The following POLR3F variants were observed in gnomAD, a reference collection of about 807,000 sequenced individuals.
The protein encoded by POLR3F is DNA-directed RNA polymerase III subunit RPC6.
Under a neutral mutation model 43.6 loss-of-function variants are expected in POLR3F, and 31 were observed. That is an observed-to-expected ratio of 0.71 (90% CI 0.53 to 0.96). The LOEUF (loss-of-function observed/expected upper bound fraction) is 0.96, where lower values mean the gene tolerates loss of function less well. POLR3F is among the 40% of genes least tolerant of loss of function. The pLI is 0.00. For missense variants in POLR3F, 316 were observed against 391.7 expected (o/e 0.81, Z 1.63); for synonymous variants, 114 against 132.5 (o/e 0.86, Z 0.96).
chr20:18,478,860 C>A (rs1054517308), intron 5 of POLR3F, among the ~76,000 whole-genome samples: 1 of 151,884 alleles, frequency 6.6e-6, no homozygotes, highest in East Asian at 1.9e-4. Flanking sequence ...ATGCTCCTGA[C>A]GGCTGGGCAG....
At chr20:18,479,621 T>C (rs939168445) in intron 5 of POLR3F, among the ~76,000 whole-genome samples, 1 of 152,124 alleles carries the variant, frequency 6.6e-6, no homozygotes, top group African/African-American at 2.4e-5. Context: ...GGAATAACAA[T>C]GAAGTATCTG....
intron 3 of POLR3F, 183 bp downstream of exon 3, chr20:18,473,092 A>G (rs1212316587): frequency 2.6e-6 from 1 of 377,656 alleles, no homozygotes; most frequent in Admixed American, 4.3e-5. Flanking sequence ...TCTTCTAGCT[A>G]TATATAAATA....
intron 5 of POLR3F, among the ~76,000 whole-genome samples, chr20:18,479,197 T>C (rs1282910719): frequency 1.3e-5 from 2 of 150,096 alleles, no homozygotes; most frequent in African/African-American, 4.9e-5. Context: ...TGCTAGAAAG[T>C]AAGAAAGTGC....
chr20:18,477,923 G>A (rs541271263), intron 5 of POLR3F, among the ~76,000 whole-genome samples: 47 of 152,292 alleles, frequency 3.1e-4, no homozygotes, highest in African/African-American at 1.1e-3. Context: ...AGGCATGATT[G>A]ATTGAATCCT....
chr20:18,478,292 T>A (rs2059790819), intron 5 of POLR3F, among the ~76,000 whole-genome samples: 1 of 151,862 alleles, frequency 6.6e-6, no homozygotes, highest in African/African-American at 2.4e-5. Context: ...CACAGCTCAC[T>A]GCAGCATCAA....
chr20:18,470,802 A>T (rs1215037444), intron 2 of POLR3F: 1 of 152,592 alleles, frequency 6.6e-6, no homozygotes, highest in Non-Finnish European at 1.5e-5. Context: ...CTATCAAAGG[A>T]TATTAAGAAA....
rs766427901 is a variant in POLR3F at position 18,480,375 on chromosome 20, A to G, written c.574-27A>G. On this transcript the variant is annotated intron_variant, in intron 6 of 8. Transcript: ENST00000377603. ...AGAAAACACACCAATATTCTTATTT[A>G]CATTTCTTATGTTTCAATCCTTATA... The G allele has an allele frequency of 1.5e-5, 22 of 1,473,844 alleles. No individual in the cohort carries two copies. In the Admixed American group the frequency reaches 3.7e-4, roughly 25 times the overall value. 91.3% of individuals were successfully genotyped at this position (1,473,844 alleles called of 1,614,324 possible). A position where few individuals can be genotyped will look rare whatever the true frequency, so the allele number is the denominator to read the frequency against.
Position 18,481,709 on chromosome 20 carries a change from G to C in POLR3F, c.772G>C (p.Gly258Arg). Residue 258 changes from glycine (G) to arginine (R), a missense_variant, in exon 8 of 9, where the codon GGC (glycine) becomes CGC (arginine). Transcript: ENST00000377603. The part of the protein sequence containing the change: ...VEMTIIAAKE[G>R]TVGSVDGHMK... ...GATGACGATTATTGCTGCAAAAGAAGGCACAGTTGGCAGTGTAGATGGACA... is the reference window on the plus strand; with the variant it reads ...GATGACGATTATTGCTGCAAAAGAACGCACAGTTGGCAGTGTAGATGGACA... 1 of 1,612,220 alleles carries C rather than the reference G, an allele frequency of 6.2e-7. No homozygotes were observed. Among genetic ancestry groups the C allele is most frequent in the Non-Finnish European group, 8.5e-7 (1 of 1,178,258 alleles).
intron 5 of POLR3F, 115 bp downstream of exon 5, chr20:18,475,302 T>C (rs2148864036): frequency 1.8e-6 from 1 of 540,812 alleles, no homozygotes; most frequent in East Asian, 3.3e-5. Flanking sequence ...ATTTAGCTCA[T>C]GTTGGATTGG....
intron 8 of POLR3F, among the ~76,000 whole-genome samples, chr20:18,482,806 C>G (rs2059817458): frequency 6.6e-6 from 1 of 152,100 alleles, no homozygotes; most frequent in Non-Finnish European, 1.5e-5. Context: ...GGTTTCAGTC[C>G]CTAGACAAAA....
intron 3 of POLR3F, 127 bp from the exon 4 acceptor site, chr20:18,473,264 T>TA (rs2059762836): frequency 1.9e-6 from 1 of 521,882 alleles, no homozygotes; most frequent in Admixed American, 3.2e-5. Context: ...CTATTTAAGG[T>TA]AAGCCTTTCT....
At chr20:18,479,947 T>G in intron 5 of POLR3F, 91 bp from the exon 6 acceptor site, 2 of 870,780 alleles carry the variant, frequency 2.3e-6, no homozygotes, top group Non-Finnish European at 1.8e-6. Flanking sequence ...GCAATAATTT[T>G]GTACATCTTA....
chr20:18,477,913 A>G (rs906672663), intron 5 of POLR3F, among the ~76,000 whole-genome samples: 2 of 146,072 alleles, frequency 1.4e-5, no homozygotes, highest in East Asian at 2.1e-4. Flanking sequence ...TTCATTATAC[A>G]GGCATGATTG....
At position 18,473,574 on chromosome 20, in the gene POLR3F, A is replaced by G. The variant is rs1410434471; in HGVS notation, c.316+116A>G. 4.1e-5 allele frequency: 21 copies of G among 509,124 alleles called. No homozygotes were observed. In the East Asian group the frequency reaches 6.3e-4, roughly 15 times the overall value. The allele number at this position is 509,124 out of a possible 1,614,324, so 31.5% of individuals were successfully genotyped here. A position where few individuals can be genotyped will look rare whatever the true frequency, so the allele number is the denominator to read the frequency against. On this transcript the variant is annotated intron_variant, in intron 4 of 8. Coordinates refer to ENST00000377603, the MANE Select transcript of POLR3F (RefSeq NM_006466.4). Reference sequence around the variant, plus strand: ...TGGACAGAGTATACTGAGGAAGGTAATAGAACATACAAATATAACATGCAT... The same window carrying G: ...TGGACAGAGTATACTGAGGAAGGTAGTAGAACATACAAATATAACATGCAT...
At position 18,474,508 on chromosome 20, in the gene POLR3F, G is replaced by A. The variant is rs141372864; in HGVS notation, c.317-567G>A. Among the ~76,000 whole-genome samples the A allele has an allele frequency of 8.9e-3, 1,272 of 143,078 alleles. 17 individuals are homozygous for A. Among genetic ancestry groups the A allele is most frequent in the African/African-American group, 0.029 (1,184 of 40,512 alleles). 93.9% of individuals were successfully genotyped at this position (143,078 alleles called of 152,430 possible). On this transcript the variant is annotated intron_variant, in intron 4 of 8. Transcript: ENST00000377603. ...TTTTTCCTTCCATTATAAAAACGTCGTTTTCATAATTTTTTTTTTCTTTTT... is the reference window on the plus strand; with the variant it reads ...TTTTTCCTTCCATTATAAAAACGTCATTTTCATAATTTTTTTTTTCTTTTT...
At chr20:18,472,150 A>C (rs1205409344) in intron 2 of POLR3F, among the ~76,000 whole-genome samples, 1 of 152,240 alleles carries the variant, frequency 6.6e-6, no homozygotes, top group Non-Finnish European at 1.5e-5. Context: ...CTATATAAAA[A>C]CAATACTACT....
chr20:18,471,910 A>T (rs1203689408), intron 2 of POLR3F, among the ~76,000 whole-genome samples: 1 of 152,208 alleles, frequency 6.6e-6, no homozygotes, highest in African/African-American at 2.4e-5. Flanking sequence ...TGAACCCGGG[A>T]GGCAGAGGTT....
At chr20:18,479,066 A>C (rs562186154) in intron 5 of POLR3F, among the ~76,000 whole-genome samples, 1 of 151,696 alleles carries the variant, frequency 6.6e-6, no homozygotes, top group African/African-American at 2.4e-5. Context: ...AATCGCTTGA[A>C]CCTGGGAGGT....
rs529056391 is a variant in POLR3F, at chr20:18,483,545, G to A, written c.938G>A (p.Trp313Ter). The A allele has an allele frequency of 3.4e-6, 5 of 1,486,756 alleles. No individual in the cohort carries two copies. Among genetic ancestry groups the A allele is most frequent in the Non-Finnish European group, 4.6e-6 (5 of 1,087,802 alleles). The allele number at this position is 1,486,756 out of a possible 1,614,324, so 92.1% of individuals were successfully genotyped here. A position where few individuals can be genotyped will look rare whatever the true frequency, so the allele number is the denominator to read the frequency against. The change falls in exon 9 of 9, where the codon TGG becomes TAG. Residue 313 changes from tryptophan to a stop codon, truncating the protein, a stop_gained. Coordinates refer to ENST00000377603, the MANE Select transcript of POLR3F (RefSeq NM_006466.4). LOFTEE classifies it high-confidence loss of function. ...SPSNCIYMTE[W>*]LEF The stretch of plus-strand genomic sequence containing the variant: ...TCTAACTGTATTTACATGACAGAGT[G>A]GCTCGAATTTTAATAGAGAGCTATG...
Sources: gnomAD v4.1 joint callset for allele counts (sites outside exome capture counted in the v4.1 genomes callset) on GRCh38, gnomAD v4.1.1 for gene constraint, MANE v1.5 for transcripts, NCBI Gene and HGNC (gene_info 2026-07-23, HGNC 2026-07-21) for gene names.